PHTF2: variants seen among roughly 807,000 people sequenced by gnomAD.
PHTF2 encodes protein PHTF2.
Under a neutral mutation model 101.2 loss-of-function variants are expected in PHTF2, and 60 were observed. The observed-to-expected ratio is 0.59, with a 90% CI of 0.48 to 0.73. PHTF2 has a LOEUF of 0.73. Among genes scored for constraint, PHTF2 ranks in the 30% least tolerant of loss-of-function variants. The pLI is 0.00. For synonymous variants in PHTF2, 311 were observed against 307.3 expected (o/e 1.01, Z -0.13); for missense variants, 747 against 908.7 (o/e 0.82, Z 2.29).
chr7:77,857,050 C>T (rs1797240538), intron 3 of PHTF2, among the ~76,000 whole-genome samples: 1 of 152,200 alleles, frequency 6.6e-6, no homozygotes, highest in Non-Finnish European at 1.5e-5. Flanking sequence ...TTCCTTTGAT[C>T]TGGCCAAACT....
intron 1 of PHTF2, among the ~76,000 whole-genome samples, chr7:77,828,098 G>A (rs1584416378): frequency 6.6e-6 from 1 of 152,124 alleles, no homozygotes; most frequent in Non-Finnish European, 1.5e-5. Flanking sequence ...AGAGTACTTG[G>A]AACACTAATT....
chr7:77,942,592 A>C lies in PHTF2; in HGVS notation c.1873-108A>C, dbSNP rs566663315. ...TATTCAACATTGTGGGCTGTGATCA[A>C]CTGATGGTGATGAGTCAACACCTTT... On this transcript the variant is annotated intron_variant, in intron 15 of 19. Transcript: ENST00000416283. 3.1e-5 allele frequency: 17 copies of C among 553,322 alleles called. No homozygotes were observed. The South Asian group carries it at 5.1e-4, about 17-fold the overall frequency. The allele number at this position is 553,322 out of a possible 1,614,324, so 34.3% of individuals were successfully genotyped here.
At chr7:77,950,977 T>C (rs1806485659) in intron 17 of PHTF2, among the ~76,000 whole-genome samples, 1 of 152,126 alleles carries the variant, frequency 6.6e-6, no homozygotes, top group African/African-American at 2.4e-5. Context: ...GGCTGCCAGA[T>C]TGGGGGTAAA....
chr7:77,831,305 GTAT>G (rs1795060511), intron 1 of PHTF2, among the ~76,000 whole-genome samples: 1 of 152,244 alleles, frequency 6.6e-6, no homozygotes, highest in African/African-American at 2.4e-5. Flanking sequence ...TGCACTGAGA[GTAT>G]TATTCTTAGC....
chr7:77,881,982 A>T (rs1451996109), intron 3 of PHTF2, among the ~76,000 whole-genome samples: 1 of 152,188 alleles, frequency 6.6e-6, no homozygotes, highest in African/African-American at 2.4e-5. Context: ...AATAAAAAAT[A>T]CCTTCAAGAC....
intron 6 of PHTF2, 77 bp downstream of exon 5, chr7:77,900,857 T>C: frequency 1.3e-6 from 1 of 786,174 alleles, no homozygotes; most frequent in Non-Finnish European, 2.2e-6. Flanking sequence ...GGTTTAAATA[T>C]TGTATTAGGC....
At chr7:77,818,105 C>T (rs555738114) in intron 1 of PHTF2, among the ~76,000 whole-genome samples, 80 of 147,150 alleles carry the variant, frequency 5.4e-4, no homozygotes, top group South Asian at 8.6e-4. Flanking sequence ...AGCAAAACTC[C>T]GTCTCAAAAA....
intron 1 of PHTF2, among the ~76,000 whole-genome samples, chr7:77,815,755 A>T (rs1160003379): frequency 6.6e-6 from 1 of 152,216 alleles, no homozygotes; most frequent in African/African-American, 2.4e-5. Flanking sequence ...TAAAGATGGG[A>T]CTAACTTTAT....
At chr7:77,939,938 G>A (rs1259833111) in intron 13 of PHTF2, 92 bp from the exon 13 acceptor site, 1 of 927,596 alleles carries the variant, frequency 1.1e-6, no homozygotes, top group Non-Finnish European at 1.6e-6. Flanking sequence ...TTTAACAAAT[G>A]ATTTCATATT....
intron 3 of PHTF2, among the ~76,000 whole-genome samples, chr7:77,880,212 G>A (rs974243312): frequency 6.6e-5 from 10 of 152,074 alleles, no homozygotes; most frequent in African/African-American, 2.4e-4. Context: ...CTCTGAGTAT[G>A]CCATAATGTA....
chr7:77,935,127 C>CT (rs1382052886), intron 12 of PHTF2, among the ~76,000 whole-genome samples: 1 of 68,386 alleles, frequency 1.5e-5, no homozygotes, highest in Admixed American at 1.6e-4. Flanking sequence ...CATTCCCCCC[C>CT]CCCACACACA....
At chr7:77,949,328 T>C (rs1282294183) in intron 16 of PHTF2, among the ~76,000 whole-genome samples, 1 of 152,020 alleles carries the variant, frequency 6.6e-6, no homozygotes, top group African/African-American at 2.4e-5. Flanking sequence ...AGCTAAACTA[T>C]AAAAACCATT....
chr7:77,946,830 T>A (rs1162556582), intron 16 of PHTF2, among the ~76,000 whole-genome samples: 1 of 152,040 alleles, frequency 6.6e-6, no homozygotes, highest in Non-Finnish European at 1.5e-5. Context: ...AATTGAAAAC[T>A]GTAAATACTG....
intron 1 of PHTF2, among the ~76,000 whole-genome samples, chr7:77,836,235 T>C (rs939543151): frequency 6.6e-6 from 1 of 151,712 alleles, no homozygotes; most frequent in South Asian, 2.1e-4. Flanking sequence ...ACTGAATAGG[T>C]TGAAGAAGAG....
At chr7:77,932,621 A>AGTGTGTGTGTGT (rs56005414) in intron 12 of PHTF2, among the ~76,000 whole-genome samples, 444 of 118,554 alleles carry the variant, frequency 3.7e-3, no homozygotes, top group Middle Eastern at 0.013. Context: ...AGAGAGAGAG[A>AGTGTGTGTGTGT]GTGTGTGTGT....
intron 19 of PHTF2, among the ~76,000 whole-genome samples, chr7:77,954,612 G>GTGTGTATATGTATATA (rs1426693429): frequency 1.1e-5 from 1 of 90,194 alleles, no homozygotes; most frequent in Non-Finnish European, 2.1e-5. Flanking sequence ...CAAGTACTGT[G>GTGTGTATATGTATATA]TATATATATA....
chr7:77,914,903 A>G (rs1301181056), intron 9 of PHTF2, among the ~76,000 whole-genome samples: 1 of 151,986 alleles, frequency 6.6e-6, no homozygotes, highest in Non-Finnish European at 1.5e-5. Context: ...TATTATTGTT[A>G]TTATTATTAT....
At chr7:77,950,104 C>T (rs1170067194) in intron 17 of PHTF2, among the ~76,000 whole-genome samples, 1 of 152,080 alleles carries the variant, frequency 6.6e-6, no homozygotes, top group Non-Finnish European at 1.5e-5. Flanking sequence ...ATGAATGGGA[C>T]ATGTTTGCTT....
exon 4 of PHTF2, chr7:77,893,642 C>G (rs1308070049): frequency 7.0e-7 from 1 of 1,426,144 alleles, no homozygotes; most frequent in Non-Finnish European, 9.8e-7. Context: ...TGGGAAAAAT[C>G]TGTTGAACAG....
Sources: gnomAD v4.1 joint callset for allele counts (sites outside exome capture counted in the v4.1 genomes callset) on GRCh38, gnomAD v4.1.1 for gene constraint, MANE v1.5 for transcripts, NCBI Gene and HGNC (gene_info 2026-07-23, HGNC 2026-07-21) for gene names.